AP3D1: variants seen among roughly 807,000 people sequenced by gnomAD.
AP3D1 encodes the protein AP-3 complex subunit delta-1.
In AP3D1, 51 loss-of-function variants were observed where a neutral mutation model predicts 147.6. That is an observed-to-expected ratio of 0.35 (90% CI 0.28 to 0.44). The LOEUF is 0.44. Ranked by LOEUF, AP3D1 falls within the 20% of genes least tolerant of loss-of-function variation. AP3D1 has a pLI of 1.00. For missense variants in AP3D1, 1,421 were observed against 1,624.2 expected (o/e 0.87, Z 2.15); for synonymous variants, 760 against 663.0 (o/e 1.15, Z -2.25).
chr19:2,158,770 T>C (rs2019670175), intron 1 of AP3D1, among the ~76,000 whole-genome samples: 1 of 152,068 alleles, frequency 6.6e-6, no homozygotes, highest in African/African-American at 2.4e-5. Context: ...TAATTTCTAA[T>C]CTCCTTGCTA....
intron 31 of AP3D1, among the ~76,000 whole-genome samples, chr19:2,103,454 A>C (rs1463427819): frequency 6.6e-6 from 1 of 151,276 alleles, no homozygotes; most frequent in Non-Finnish European, 1.5e-5. Context: ...ACTGTGGAAG[A>C]AGCCAGTGGA....
chr19:2,104,126 A>G (rs2018036564), intron 31 of AP3D1, among the ~76,000 whole-genome samples: 1 of 149,820 alleles, frequency 6.7e-6, no homozygotes, highest in East Asian at 2.0e-4. Context: ...AGACGCCAAC[A>G]CTCAGACCCC....
upstream of AP3D1, among the ~76,000 whole-genome samples, chr19:2,153,286 A>C (rs61309132): frequency 6.6e-6 from 1 of 151,426 alleles, no homozygotes; most frequent in African/African-American, 2.4e-5. Flanking sequence ...AGGCAGGAGA[A>C]TGACATGAGT....
chr19:2,134,759 G>A (rs1017645638), intron 4 of AP3D1, among the ~76,000 whole-genome samples: 2 of 151,246 alleles, frequency 1.3e-5, no homozygotes, highest in African/African-American at 4.9e-5. Context: ...GCACCACCAC[G>A]CCCGGCTAAT....
In AP3D1 at chr19:2,138,622, C is replaced by G. The variant is rs749746876; in HGVS notation, c.189G>C (p.Thr63=). Residue 63 remains threonine, a synonymous_variant, in exon 2 of 32, where the codon ACG becomes ACC. Coordinates refer to ENST00000643116, the MANE Select transcript of AP3D1 (RefSeq NM_001261826.3). The stretch of plus-strand genomic sequence containing the variant: ...CTGGCCACTGGGAGGCACTTACATA[C>G]GTCAGCTTGCAGACCGCGTTCGCCT... ...AVKANAVCKL[T]YLQMLGYDIS... 6.2e-7 allele frequency: 1 copy of G among 1,613,578 alleles called. No homozygotes were observed. Among genetic ancestry groups the G allele is most frequent in the Non-Finnish European group, 8.5e-7 (1 of 1,179,840 alleles).
upstream of AP3D1, among the ~76,000 whole-genome samples, chr19:2,153,528 T>G (rs1220204422): frequency 6.6e-5 from 10 of 151,518 alleles, no homozygotes; most frequent in Non-Finnish European, 1.3e-4. Flanking sequence ...ATACAAAAAT[T>G]AGTCAGGCAT....
At chr19:2,143,642 G>A (rs1259144596) in intron 1 of AP3D1, among the ~76,000 whole-genome samples, 2 of 151,990 alleles carry the variant, frequency 1.3e-5, no homozygotes, top group East Asian at 3.9e-4. Context: ...GTGGCACATC[G>A]TGTAGTCACA....
chr19:2,154,445 A>G (rs976976448), upstream of AP3D1, among the ~76,000 whole-genome samples: 2 of 151,360 alleles, frequency 1.3e-5, no homozygotes, highest in Admixed American at 1.3e-4. Flanking sequence ...ACGCCCAGCT[A>G]ATTTTTGTAT....
intron 14 of AP3D1, among the ~76,000 whole-genome samples, chr19:2,119,948 C>T (rs1361577281): frequency 6.6e-6 from 1 of 152,076 alleles, no homozygotes; most frequent in Non-Finnish European, 1.5e-5. Context: ...CAGACTCTGT[C>T]TCGGGGCGAG....
At chr19:2,109,646 G>C in intron 29 of AP3D1, 1 of 557,364 alleles carries the variant, frequency 1.8e-6, no homozygotes, top group Non-Finnish European at 3.2e-6. Flanking sequence ...GGACTTCCAG[G>C]GGCCTGGACC....
intron 5 of AP3D1, 52 bp from the exon 6 acceptor site, chr19:2,130,589 C>T (rs770702369): frequency 6.2e-7 from 1 of 1,603,658 alleles, no homozygotes. Flanking sequence ...CTCATCCCTG[C>T]TCTCGCCCCT....
At chr19:2,157,083 C>T (rs1053000697) in intron 1 of AP3D1, among the ~76,000 whole-genome samples, 1 of 151,284 alleles carries the variant, frequency 6.6e-6, no homozygotes, top group African/African-American at 2.4e-5. Context: ...ATCCATCTAT[C>T]GATCTATCCA....
At position 2,137,328 on chromosome 19, in the gene AP3D1, C is replaced by G. The variant is rs369958349; in HGVS notation, c.274-237G>C. On this transcript the variant is annotated intron_variant, in intron 3 of 31. Transcript: ENST00000643116. ...AATATGTATGTGTTTTTTTTTTTTT[C>G]TTGGAGACAAAGTCTCGCTCTGTTG... Among the ~76,000 whole-genome samples the G allele has an allele frequency of 3.9e-4, 56 of 144,390 alleles. No homozygotes were observed. The Middle Eastern group carries it at 0.014, about 36-fold the overall frequency. The allele number at this position is 144,390 out of a possible 152,430, so 94.7% of individuals were successfully genotyped here. A position where few individuals can be genotyped will look rare whatever the true frequency, so the allele number is the denominator to read the frequency against.
chr19:2,163,630 T>C (rs1253849335), intron 1 of AP3D1, among the ~76,000 whole-genome samples: 2 of 150,668 alleles, frequency 1.3e-5, no homozygotes, highest in Non-Finnish European at 2.9e-5. Flanking sequence ...TGTGGGGAGG[T>C]GTCCGGCGTC....
intron 10 of AP3D1, 75 bp downstream of exon 10, chr19:2,123,755 G>A (rs183190198): frequency 2.0e-6 from 3 of 1,514,910 alleles, no homozygotes; most frequent in Non-Finnish European, 1.8e-6. Context: ...CACAGGGTGG[G>A]CAAGCTCCCG....
At chr19:2,109,789 TCA>T in intron 29 of AP3D1, 82 bp downstream of exon 29, 1 of 1,329,500 alleles carries the variant, frequency 7.5e-7, no homozygotes, top group South Asian at 1.2e-5. Flanking sequence ...CCCAGAAGCC[TCA>T]GTCCCCGGGG....
At chr19:2,120,753 G>C (rs2018586115) in intron 14 of AP3D1, 109 bp downstream of exon 14, 6 of 1,121,338 alleles carry the variant, frequency 5.4e-6, no homozygotes, top group Non-Finnish European at 7.7e-6. Flanking sequence ...GACGGCCGGG[G>C]TGGCAGGGCG....
At chr19:2,132,110 G>C (rs2018966979) in intron 5 of AP3D1, among the ~76,000 whole-genome samples, 1 of 152,154 alleles carries the variant, frequency 6.6e-6, no homozygotes, top group African/African-American at 2.4e-5. Context: ...GAGTGGCAAG[G>C]AGGAGTCAAG....
At chr19:2,118,863 G>A (rs1365716770) in intron 14 of AP3D1, 31 bp from the exon 15 acceptor site, 3 of 1,593,796 alleles carry the variant, frequency 1.9e-6, no homozygotes, top group Admixed American at 1.7e-5. Context: ...GAGCCCCCAG[G>A]ATGCCAATCC....
Sources: allele counts gnomAD v4.1 joint callset (sites outside exome capture counted in the v4.1 genomes callset), GRCh38; gene constraint gnomAD v4.1.1; transcripts MANE v1.5; gene names NCBI Gene and HGNC (gene_info 2026-07-23, HGNC 2026-07-21).